The following CDH11 variants were observed in gnomAD, a reference collection of about 807,000 sequenced individuals.
CDH11 encodes the protein cadherin 11.
In CDH11, 11 loss-of-function variants were observed where a neutral mutation model predicts 67.8. The ratio of observed to expected loss-of-function variants is 0.16; its 90% confidence interval spans 0.10 to 0.27. The LOEUF (loss-of-function observed/expected upper bound fraction) is 0.27. CDH11 is among the 10% of genes least tolerant of loss of function. CDH11 has a pLI of 1.00. For synonymous variants in CDH11, 419 were observed against 400.0 expected, an observed-to-expected ratio of 1.05 and a Z score of -0.57; for missense variants, 847 against 1,031.2, an observed-to-expected ratio of 0.82 and a Z score of 2.45.
At chr16:65,059,611 A>T (rs543900250) in intron 1 of CDH11, 1 of 152,278 alleles carries the variant, frequency 6.6e-6, no homozygotes, top group African/African-American at 2.4e-5. Context: ...GGCCTTGAAA[A>T]GCCGGGGAGC....
chr16:64,982,000 T>A (rs1247875017), intron 8 of CDH11, 48 bp downstream of exon 8: 4 of 1,538,142 alleles, frequency 2.6e-6, no homozygotes, highest in Admixed American at 4.0e-5. Flanking sequence ...CAGAACCTCT[T>A]GACTCTAAAA....
intron 1 of CDH11, among the ~76,000 whole-genome samples, chr16:65,082,365 G>C (rs972682175): frequency 6.6e-6 from 1 of 152,190 alleles, no homozygotes; most frequent in African/African-American, 2.4e-5. Context: ...ATAGGAAGGT[G>C]AACAGCTGGT....
chr16:64,983,618 C>A (rs2072411959), intron 7 of CDH11, among the ~76,000 whole-genome samples: 1 of 152,094 alleles, frequency 6.6e-6, no homozygotes. Flanking sequence ...ATCCTTGATA[C>A]TTTTTCTATC....
chr16:64,948,151 G>T (rs1567480336), intron 12 of CDH11, 52 bp from the exon 13 acceptor site: 3 of 1,563,710 alleles, frequency 1.9e-6, no homozygotes, highest in Admixed American at 1.8e-5. Flanking sequence ...GTATTCCTGG[G>T]TTCTTCTGCC....
At chr16:65,086,980 T>C (rs2074712593) in intron 1 of CDH11, among the ~76,000 whole-genome samples, 1 of 152,182 alleles carries the variant, frequency 6.6e-6, no homozygotes, top group Non-Finnish European at 1.5e-5. Flanking sequence ...ATATTCGACT[T>C]TAGGGCCTTC....
Position 64,973,011 on chromosome 16 carries a change from T to A in CDH11, c.1283A>T (p.Asp428Val). 6.2e-7 allele frequency: 1 copy of A among 1,613,748 alleles called. No individual in the cohort carries two copies. The highest frequency in any genetic ancestry group is 8.5e-7 in the Non-Finnish European group (1 of 1,179,862). ...CTCTGGATTAATAGTGAAAAATCTGTCGAGGTCAGTGTGACGATCGATGGA... is the reference window on the plus strand; with the variant it reads ...CTCTGGATTAATAGTGAAAAATCTGACGAGGTCAGTGTGACGATCGATGGA... Reference protein sequence around the residue: ...RYSIDRHTDLDRFFTINPEDG... With the variant: ...RYSIDRHTDLVRFFTINPEDG... The change falls in exon 9 of 13, where the codon GAC becomes GTC. Residue 428 changes from aspartate (D) to valine (V), a missense_variant. Transcript: ENST00000268603.
At chr16:64,948,526 C>G (rs1370501389) in intron 12 of CDH11, 2 of 1,152,626 alleles carry the variant, frequency 1.7e-6, no homozygotes, top group Admixed American at 3.5e-5. Context: ...TAGGGCCTAC[C>G]ATCTTATAGG....
At chr16:65,104,220 G>A (rs988694997) in intron 1 of CDH11, among the ~76,000 whole-genome samples, 1 of 152,126 alleles carries the variant, frequency 6.6e-6, no homozygotes, top group Admixed American at 6.5e-5. Flanking sequence ...ATAAGCAGAG[G>A]AAAGATTCTC....
intron 2 of CDH11, among the ~76,000 whole-genome samples, chr16:65,020,016 T>G (rs768908337): frequency 6.6e-6 from 1 of 152,228 alleles, no homozygotes. Context: ...TATGTTACAA[T>G]GTTAACTATT....
intron 1 of CDH11, among the ~76,000 whole-genome samples, chr16:65,102,117 C>T (rs1451207421): frequency 2.0e-5 from 3 of 152,300 alleles, no homozygotes; most frequent in East Asian, 3.9e-4. Context: ...ATTGCAAGTT[C>T]ACACCTCCAA....
intron 1 of CDH11, among the ~76,000 whole-genome samples, chr16:65,105,382 G>A (rs1490904728): frequency 6.6e-6 from 1 of 152,084 alleles, no homozygotes; most frequent in Non-Finnish European, 1.5e-5. Flanking sequence ...GGGAGCACTT[G>A]GATCTAGCCT....
chr16:64,956,764 A>C (rs35141), intron 11 of CDH11, among the ~76,000 whole-genome samples: 71,548 of 151,970 alleles, frequency 0.47, 17,556 homozygotes, highest in East Asian at 0.66. Context: ...TTACTTGTAC[A>C]CTTTTTCATT....
chr16:64,986,132 G>C (rs1222142332), intron 7 of CDH11: 1 of 152,054 alleles, frequency 6.6e-6, no homozygotes, highest in Non-Finnish European at 1.5e-5. Context: ...AAATTGCATG[G>C]AATGACTTTC....
At chr16:64,999,805 G>A (rs1394064261) in intron 3 of CDH11, among the ~76,000 whole-genome samples, 1 of 152,136 alleles carries the variant, frequency 6.6e-6, no homozygotes, top group Non-Finnish European at 1.5e-5. Flanking sequence ...AAAGTGCTGG[G>A]ATTACACACA....
At chr16:65,086,531 C>T (rs940008386) in intron 1 of CDH11, among the ~76,000 whole-genome samples, 2 of 152,192 alleles carry the variant, frequency 1.3e-5, no homozygotes, top group African/African-American at 4.8e-5. Flanking sequence ...AAGGCACCTT[C>T]CTGTAAAGAA....
At chr16:65,072,121 A>C (rs1361307224) in intron 1 of CDH11, 3 of 152,382 alleles carry the variant, frequency 2.0e-5, no homozygotes, top group Non-Finnish European at 2.9e-5. Context: ...CAGCCTTGGC[A>C]ATGCCAGGAG....
chr16:65,013,547 C>T (rs1381078690), intron 2 of CDH11, among the ~76,000 whole-genome samples: 6 of 152,100 alleles, frequency 3.9e-5, no homozygotes, highest in Admixed American at 1.3e-4. Context: ...AAAACCCAGC[C>T]GGGCGCAGTG....
chr16:65,090,434 G>C (rs979672214), intron 1 of CDH11, among the ~76,000 whole-genome samples: 1 of 151,916 alleles, frequency 6.6e-6, no homozygotes, highest in Non-Finnish European at 1.5e-5. Flanking sequence ...AACAAGTCTT[G>C]GTCCAATCCT....
chr16:65,010,967 G>GTATA (rs1567526774), intron 2 of CDH11, among the ~76,000 whole-genome samples: 2 of 86,712 alleles, frequency 2.3e-5, no homozygotes, highest in African/African-American at 8.2e-5. Context: ...ATATATATAT[G>GTATA]TGTTTATATA....
Sources: allele counts gnomAD v4.1 joint callset (sites outside exome capture counted in the v4.1 genomes callset), GRCh38; gene constraint gnomAD v4.1.1; transcripts MANE v1.5; gene names NCBI Gene and HGNC (gene_info 2026-07-23, HGNC 2026-07-21).